Variants in FN1 observed in about 807,000 individuals in gnomAD.
FN1 encodes fibronectin 1.
A neutral mutation model predicts 297.3 loss-of-function variants in FN1; 106 were observed. The ratio of observed to expected loss-of-function variants is 0.36; its 90% CI spans 0.30 to 0.42. The LOEUF is 0.42. Among genes scored for constraint, FN1 ranks in the 10% least tolerant of loss-of-function variants. The pLI, the probability that FN1 is intolerant of heterozygous loss-of-function variation, is 1.00. For missense variants in FN1, 2,690 were observed against 3,124.9 expected, an observed-to-expected ratio of 0.86 and a Z score of 3.32; for synonymous variants, 1,149 against 1,152.6, an observed-to-expected ratio of 1.00 and a Z score of 0.06.
Position 215,435,836 on chromosome 2 carries a change from G to A in FN1, c.-34C>T. 1 of 1,516,252 alleles carries A rather than the reference G, an allele frequency of 6.6e-7. No homozygotes were observed. The highest frequency in any genetic ancestry group is 8.8e-7 in the Non-Finnish European group (1 of 1,133,588). 93.9% of individuals were successfully genotyped at this position (1,516,252 alleles called of 1,614,324 possible). A position where few individuals can be genotyped will look rare whatever the true frequency, so the allele number is the denominator to read the frequency against. On this transcript the variant is annotated 5_prime_UTR_variant, in exon 1 of 46. Transcript: ENST00000354785. ...GGTGGGGGAGAGACGCCCGCACCGG[G>A]AGGCAAGTTGCCACCAAGTTTGCTT...
intron 36 of FN1, 59 bp from the exon 37 acceptor site, chr2:215,375,777 A>C: frequency 1.8e-6 from 2 of 1,124,090 alleles, no homozygotes; most frequent in South Asian, 2.5e-5. Context: ...GAGAATTCTC[A>C]AGCTAGCCTG....
At position 215,419,561 on chromosome 2, in the gene FN1, TA is replaced by T. The variant is rs78640793; in HGVS notation, c.1676-177del. Among the ~76,000 whole-genome samples, 42,230 of 149,864 alleles carry T rather than the reference TA, an allele frequency of 0.28. 7,304 individuals are homozygous for T. Among genetic ancestry groups the T allele is most frequent in the East Asian group, 0.92 (4,766 of 5,166 alleles). ...CTTTACCTTACAGGACAGTTTGTAGTAAAAAAAAAACCAAAGTACCTATTAG... is the reference window on the plus strand; with the variant it reads ...CTTTACCTTACAGGACAGTTTGTAGTAAAAAAAAACCAAAGTACCTATTAG... On this transcript the variant is annotated intron_variant, in intron 11 of 45. Transcript: ENST00000354785.
At chr2:215,393,826 C>T (rs999920746) in intron 24 of FN1, 4 of 152,952 alleles carry the variant, frequency 2.6e-5, no homozygotes, top group African/African-American at 9.7e-5. Context: ...ATAATCAAAA[C>T]ATGTAATTAG....
At chr2:215,415,297 T>C (rs2063285528) in intron 12 of FN1, among the ~76,000 whole-genome samples, 1 of 152,186 alleles carries the variant, frequency 6.6e-6, no homozygotes, top group Admixed American at 6.5e-5. Flanking sequence ...CCTACAAAAA[T>C]AATGTAATAC....
intron 17 of FN1, among the ~76,000 whole-genome samples, 154 bp downstream of exon 17, chr2:215,407,954 C>G (rs1194844008): frequency 4.5e-5 from 6 of 133,610 alleles, no homozygotes; most frequent in Admixed American, 7.8e-5. Flanking sequence ...CCCACCCCCG[C>G]CACACACACA....
chr2:215,399,083 T>C (rs1258266735), intron 21 of FN1, among the ~76,000 whole-genome samples, 174 bp downstream of exon 21: 1 of 152,092 alleles, frequency 6.6e-6, no homozygotes, highest in Non-Finnish European at 1.5e-5. Context: ...AACAATTCAG[T>C]GAGGTAGGCA....
intron 21 of FN1, among the ~76,000 whole-genome samples, 167 bp downstream of exon 21, chr2:215,399,090 G>A (rs2060661870): frequency 6.6e-6 from 1 of 152,202 alleles, no homozygotes; most frequent in South Asian, 2.1e-4. Context: ...CAGTGAGGTA[G>A]GCAGGGAAGG....
rs761834351 is a variant in FN1, at chr2:215,361,528, C to CT, written c.*26dup. The CT allele has an allele frequency of 4.0e-6, 6 of 1,507,020 alleles. No homozygotes were observed. The Admixed American group carries it at 1.0e-4, about 25-fold the overall frequency. 93.4% of individuals were successfully genotyped at this position (1,507,020 alleles called of 1,614,324 possible). A position where few individuals can be genotyped will look rare whatever the true frequency, so the allele number is the denominator to read the frequency against. On this transcript the variant is annotated 3_prime_UTR_variant, in exon 46 of 46. Coordinates refer to ENST00000354785, the MANE Select transcript of FN1 (RefSeq NM_212482.4). ...AGATGGATCTTGGCAGAGAGACATG[C>CT]TTGTTCCTCTGGATTGGAAAGATGA...
In FN1 at chr2:215,372,254, A is replaced by G. The variant is rs914356713; in HGVS notation, c.6369T>C (p.Asn2123=). 1.9e-6 allele frequency: 3 copies of G among 1,614,040 alleles called. No homozygotes were observed. Among genetic ancestry groups the G allele is most frequent in the African/African-American group, 2.7e-5 (2 of 74,908 alleles). Residue 2123 remains asparagine (N), a synonymous_variant, in exon 40 of 46, where the codon AAT becomes AAC. Coordinates refer to ENST00000354785, the MANE Select transcript of FN1 (RefSeq NM_212482.4). The part of the protein sequence containing the change: ...FVTHPGYDTG[N]GIQLPGTSGQ... Reference sequence around the variant, plus strand: ...CAGAAGTGCCAGGAAGCTGAATACCATTTCCAGTGTCATACCCAGGGTGGG... The same window carrying G: ...CAGAAGTGCCAGGAAGCTGAATACCGTTTCCAGTGTCATACCCAGGGTGGG...
chr2:215,411,466 T>C (rs571219962), intron 13 of FN1, among the ~76,000 whole-genome samples: 7 of 152,206 alleles, frequency 4.6e-5, no homozygotes, highest in Non-Finnish European at 1.0e-4. Flanking sequence ...GTGGAAAATT[T>C]TGAAACCAGT....
At chr2:215,367,841 G>A (rs2054951644) in intron 42 of FN1, 22 bp downstream of exon 42, 6 of 1,613,240 alleles carry the variant, frequency 3.7e-6, no homozygotes, top group Non-Finnish European at 5.1e-6. Context: ...CACGGAAGTG[G>A]ATGGACAAAG....
rs1220604200 is a variant in FN1 at position 215,434,704 on chromosome 2, T to G, written c.269A>C (p.Lys90Thr). The G allele has an allele frequency of 1.9e-6, 3 of 1,614,058 alleles. No homozygotes were observed. The highest frequency in any genetic ancestry group is 1.3e-5 in the African/African-American group (1 of 74,932). ...GGCTTGTTGTCACTTACCTTCAGGT[T>G]TACTCTCGCAGTTAAAACCTCGGCT... ...GGSRGFNCES[K>T]PEAEETCFDK... is the part of the protein sequence containing the mutation. Residue 90 changes from lysine to threonine, a missense_variant, in exon 2 of 46, where the codon AAA (lysine) becomes ACA (threonine). Lys to Thr is a moderately conservative substitution (Grantham distance 78). Around this residue, in one of 3 missense-constraint regions of FN1, gnomAD observed 876 missense variants for 1,058.1 expected, o/e 0.83. Coordinates refer to ENST00000354785, the MANE Select transcript of FN1 (RefSeq NM_212482.4).
At chr2:215,420,931 C>T (rs2064221585) in intron 10 of FN1, 130 bp from the exon 11 acceptor site, 1 of 920,900 alleles carries the variant, frequency 1.1e-6, no homozygotes, top group Admixed American at 2.0e-5. Context: ...AATAACTTTT[C>T]TACAAGCATA....
chr2:215,435,616 C>A (rs756600264), intron 1 of FN1, 39 bp downstream of exon 1: 1 of 1,612,378 alleles, frequency 6.2e-7, no homozygotes, highest in South Asian at 1.1e-5. Flanking sequence ...AGGGTCCCAT[C>A]CCTGAGGCAG....
chr2:215,379,022 G>A (rs1419697376), intron 34 of FN1, 108 bp downstream of exon 34: 1 of 1,027,546 alleles, frequency 9.7e-7, no homozygotes, highest in Admixed American at 1.9e-5. Context: ...ATTTGATGCA[G>A]AGGAAAAGAA....
chr2:215,391,015 A>G (rs1382121707), intron 26 of FN1, among the ~76,000 whole-genome samples: 1 of 152,230 alleles, frequency 6.6e-6, no homozygotes, highest in Non-Finnish European at 1.5e-5. Context: ...TGTCTATTCT[A>G]TAATGGTTGG....
At chr2:215,392,854 T>C in intron 25 of FN1, 77 bp downstream of exon 25, 3 of 1,527,196 alleles carry the variant, frequency 2.0e-6, no homozygotes, top group Non-Finnish European at 2.7e-6. Flanking sequence ...CCATGAAACA[T>C]CCATATTTAA....
intron 3 of FN1, 64 bp downstream of exon 3, chr2:215,433,260 G>A (rs1051959787): frequency 1.1e-4 from 182 of 1,589,326 alleles, no homozygotes; most frequent in Middle Eastern, 6.7e-4. Context: ...GAAAATGACA[G>A]TGATGGTAAC....
intron 11 of FN1, 126 bp from the exon 12 acceptor site, chr2:215,419,511 G>T: frequency 1.2e-6 from 1 of 808,190 alleles, no homozygotes; most frequent in Non-Finnish European, 2.1e-6. Flanking sequence ...AATATATGCA[G>T]TTAAAAAAAT....
Sources: allele counts gnomAD v4.1 joint callset (sites outside exome capture counted in the v4.1 genomes callset), GRCh38; gene constraint gnomAD v4.1.1; regional missense constraint gnomAD v4.1.1; transcripts MANE v1.5; gene names NCBI Gene and HGNC (gene_info 2026-07-23, HGNC 2026-07-21).